Variants in TMEM14B observed in about 807,000 individuals in gnomAD.
TMEM14B encodes transmembrane protein 14B.
In TMEM14B, 9 loss-of-function variants were observed where a neutral mutation model predicts 14.8. The observed-to-expected ratio is 0.61, with a 90% confidence interval of 0.37 to 1.06. The LOEUF (loss-of-function observed/expected upper bound fraction) is 1.06. Among genes scored for constraint, TMEM14B ranks in the 50% least tolerant of loss-of-function variants. The probability of loss-of-function intolerance (pLI) is 0.01; values close to 1 mark genes in which losing one functional copy is unlikely to be tolerated. For missense variants in TMEM14B, 128 were observed against 143.6 expected (o/e 0.89, Z 0.56); for synonymous variants, 40 against 51.3 (o/e 0.78, Z 0.94).
intron 4 of TMEM14B, among the ~76,000 whole-genome samples, chr6:10,753,600 A>C (rs1454534919): frequency 6.6e-6 from 1 of 151,632 alleles, no homozygotes; most frequent in Admixed American, 6.6e-5. Context: ...AAATGACACA[A>C]ATTTCTCTCT....
rs115200994 is a variant in TMEM14B at position 10,749,375 on chromosome 6, C to G, written c.23+107C>G. 8,221 of 1,410,776 alleles carry G rather than the reference C, an allele frequency of 5.8e-3. 118 individuals carry two copies. The highest frequency in any genetic ancestry group is 0.052 in the African/African-American group (3,703 of 70,562). 87.4% of individuals were successfully genotyped at this position (1,410,776 alleles called of 1,614,324 possible). On this transcript the variant is annotated intron_variant, in intron 2 of 5. Coordinates refer to ENST00000379542, the MANE Select transcript of TMEM14B (RefSeq NM_030969.5). Reference sequence around the variant, plus strand: ...AGAGTAGACTGCCTGGGATGGCGTGCGGGATGGGAGGATCACTGGACCTGT... The same window carrying G: ...AGAGTAGACTGCCTGGGATGGCGTGGGGGATGGGAGGATCACTGGACCTGT...
Position 10,749,182 on chromosome 6 carries a change from A to C in TMEM14B, c.-44-20A>C. 6.3e-7 allele frequency: 1 copy of C among 1,579,722 alleles called. No homozygotes were observed. The highest frequency in any genetic ancestry group is 8.7e-7 in the Non-Finnish European group (1 of 1,149,586). ...GGAGCTGTGCTTTTAACCACTGCTG[A>C]TCCGGCTTGTTTTCCCCAGATGCAG... On this transcript the variant is annotated intron_variant, in intron 1 of 5. Coordinates refer to ENST00000379542, the MANE Select transcript of TMEM14B (RefSeq NM_030969.5).
At chr6:10,754,080 C>G (rs1437992722) in intron 4 of TMEM14B, among the ~76,000 whole-genome samples, 2 of 152,144 alleles carry the variant, frequency 1.3e-5, no homozygotes, top group Non-Finnish European at 2.9e-5. Context: ...GGAGACCACC[C>G]TGGGCAACAT....
At position 10,756,732 on chromosome 6, in the gene TMEM14B, C is replaced by T. The variant is rs544823147; in HGVS notation, c.*214C>T. 20 of 1,242,060 alleles carry T rather than the reference C, an allele frequency of 1.6e-5. 1 individual carries two copies. In the African/African-American group the frequency reaches 2.8e-4, roughly 18 times the overall value. 76.9% of individuals were successfully genotyped at this position (1,242,060 alleles called of 1,614,324 possible). A position where few individuals can be genotyped will look rare whatever the true frequency, so the allele number is the denominator to read the frequency against. On this transcript the variant is annotated 3_prime_UTR_variant, in exon 6 of 6. Transcript: ENST00000379542. Reference sequence around the variant, plus strand: ...GCATGTAACATGAGCTTATTGAGACCATCATAGAGATCGATTCTTGTATAT... The same window carrying T: ...GCATGTAACATGAGCTTATTGAGACTATCATAGAGATCGATTCTTGTATAT...
rs769181586 is a variant in TMEM14B, at chr6:10,751,162, C to T, written c.130C>T (p.Leu44Phe). ...GSVPSLAAGLLFGSLAGLGAY... is the reference protein window; with the variant it reads ...GSVPSLAAGLFFGSLAGLGAY... ...CGTGCCGTCCCTGGCTGCAGGGCTG[C>T]TCTTCGGCAGTCTAGCCGGCCTGGG... The change falls in exon 4 of 6, where the codon CTC becomes TTC. Residue 44 changes from leucine to phenylalanine, a missense_variant. Transcript: ENST00000379542. 6.2e-7 allele frequency: 1 copy of T among 1,613,810 alleles called. No homozygotes were observed. The highest frequency in any genetic ancestry group is 8.5e-7 in the Non-Finnish European group (1 of 1,180,022).
chr6:10,758,160 G>A (rs148950381), downstream of TMEM14B, among the ~76,000 whole-genome samples: 57 of 152,190 alleles, frequency 3.7e-4, no homozygotes, highest in African/African-American at 1.3e-3. Flanking sequence ...TGTTGCAGTG[G>A]TAGAGGCATC....
intron 4 of TMEM14B, among the ~76,000 whole-genome samples, chr6:10,754,699 A>G (rs116517319): frequency 0.013 from 1,915 of 152,348 alleles, 18 homozygotes; most frequent in East Asian, 0.027. Context: ...GGGCAAAGAC[A>G]GTTACGATTA....
intron 2 of TMEM14B, 131 bp downstream of exon 2, chr6:10,749,399 G>C: frequency 7.9e-7 from 1 of 1,272,704 alleles, no homozygotes; most frequent in Non-Finnish European, 1.1e-6. Context: ...CACTGGACCT[G>C]TGGGCCAGAA....
intron 5 of TMEM14B, chr6:10,755,492 A>G: frequency 1.4e-6 from 2 of 1,422,228 alleles, no homozygotes; most frequent in African/African-American, 1.4e-5. Flanking sequence ...GTTTTATTGC[A>G]AAGCTATGAC....
At chr6:10,750,137 A>G (rs975642770) in intron 3 of TMEM14B, 2 of 178,270 alleles carry the variant, frequency 1.1e-5, no homozygotes, top group South Asian at 2.2e-4. Flanking sequence ...TCCCACCCCA[A>G]TCCCTGCACC....
At chr6:10,758,833 G>C (rs1771886388), downstream of TMEM14B, 1 of 153,984 alleles carries the variant, frequency 6.5e-6, no homozygotes, top group African/African-American at 2.4e-5. Context: ...CTCAGAGCGA[G>C]CAATATATAC....
At position 10,755,534 on chromosome 6, in the gene TMEM14B, G is replaced by T; in HGVS notation, c.293+302G>T. 5 of 1,356,118 alleles carry T rather than the reference G, an allele frequency of 3.7e-6. No homozygotes were observed. The South Asian group carries it at 1.1e-4, about 29-fold the overall frequency. 84.0% of individuals were successfully genotyped at this position (1,356,118 alleles called of 1,614,324 possible). A position where few individuals can be genotyped will look rare whatever the true frequency, so the allele number is the denominator to read the frequency against. On this transcript the variant is annotated intron_variant, in intron 5 of 5. Transcript: ENST00000379542. The stretch of plus-strand genomic sequence containing the variant: ...CTTTTGTGTGACTTGCGGAGGATGT[G>T]TGGGGGTCCCATATTTCTTAGGTGT...
rs770548943 is a variant in TMEM14B, at chr6:10,751,174, C to G, written c.142C>G (p.Leu48Val). 9 of 1,613,964 alleles carry G rather than the reference C, an allele frequency of 5.6e-6. No homozygotes were observed. Among genetic ancestry groups the G allele is most frequent in the Non-Finnish European group, 7.6e-6 (9 of 1,180,006 alleles). ...SLAAGLLFGS[L>V]AGLGAYQLYQ... is the part of the protein sequence containing the mutation. ...GGCTGCAGGGCTGCTCTTCGGCAGT[C>G]TAGCCGGCCTGGGTGCTTACCAGCT... The change falls in exon 4 of 6, where the codon CTA (leucine) becomes GTA (valine). Residue 48 changes from leucine (L) to valine (V), a missense_variant. Coordinates refer to ENST00000379542, the MANE Select transcript of TMEM14B (RefSeq NM_030969.5).
intron 5 of TMEM14B, 99 bp from the exon 6 acceptor site, chr6:10,756,368 C>T (rs1771800711): frequency 1.4e-6 from 2 of 1,407,280 alleles, no homozygotes; most frequent in Non-Finnish European, 2.0e-6. Context: ...CCTCCTCCCC[C>T]ACACAGTTGT....
intron 4 of TMEM14B, among the ~76,000 whole-genome samples, chr6:10,752,570 C>T (rs1771633446): frequency 6.6e-6 from 1 of 150,906 alleles, no homozygotes; most frequent in Non-Finnish European, 1.5e-5. Flanking sequence ...GGTTCTCCTG[C>T]CTCAGCCTTC....
chr6:10,751,069 G>C, intron 3 of TMEM14B, 64 bp from the exon 4 acceptor site: 2 of 1,599,104 alleles, frequency 1.3e-6, no homozygotes, highest in South Asian at 2.2e-5. Context: ...AGGAGGTCTG[G>C]TGGATTCCGT....
intron 5 of TMEM14B, chr6:10,755,776 G>A: frequency 1.8e-6 from 1 of 553,576 alleles, no homozygotes; most frequent in Non-Finnish European, 2.3e-6. Flanking sequence ...CCAACATGGT[G>A]AAACTCCTCT....
downstream of TMEM14B, among the ~76,000 whole-genome samples, chr6:10,757,333 T>C (rs1278827615): frequency 6.6e-6 from 1 of 152,156 alleles, no homozygotes; most frequent in Admixed American, 6.5e-5. Flanking sequence ...TAATTTATTT[T>C]ATTTTTTTGT....
downstream of TMEM14B, among the ~76,000 whole-genome samples, chr6:10,757,476 T>C (rs1422076416): frequency 1.3e-5 from 2 of 152,072 alleles, no homozygotes; most frequent in Admixed American, 6.5e-5. Flanking sequence ...TAGGACTGTG[T>C]AGCAAAAAAA....
Sources: allele counts gnomAD v4.1 joint callset (sites outside exome capture counted in the v4.1 genomes callset), GRCh38; gene constraint gnomAD v4.1.1; transcripts MANE v1.5; gene names NCBI Gene and HGNC (gene_info 2026-07-23, HGNC 2026-07-21).